TMEM117: variants seen among roughly 807,000 people sequenced by gnomAD.
TMEM117 encodes transmembrane protein 117.
In TMEM117, 27 loss-of-function variants were observed where a neutral mutation model predicts 52.4. The observed-to-expected ratio is 0.51, with a 90% CI of 0.38 to 0.71. The LOEUF (loss-of-function observed/expected upper bound fraction) is 0.71, where lower values mean the gene tolerates loss of function less well. TMEM117 is among the 30% of genes least tolerant of loss of function. TMEM117 has a pLI of 0.00. For synonymous variants in TMEM117, 215 were observed against 206.3 expected (o/e 1.04, Z -0.36); for missense variants, 556 against 630.5 (o/e 0.88, Z 1.26).
chr12:43,953,547 A>T (rs1399109806), intron 3 of TMEM117, among the ~76,000 whole-genome samples: 2 of 152,222 alleles, frequency 1.3e-5, no homozygotes, highest in Admixed American at 1.3e-4. Context: ...GTCAAAAAAG[A>T]CAAAAAAGGG....
chr12:44,210,576 T>A (rs1318377202), intron 4 of TMEM117, among the ~76,000 whole-genome samples: 1 of 152,052 alleles, frequency 6.6e-6, no homozygotes, highest in Non-Finnish European at 1.5e-5. Flanking sequence ...CAAAGCCTAG[T>A]GAAGAGAGAA....
intron 2 of TMEM117, among the ~76,000 whole-genome samples, chr12:43,927,771 C>A (rs1179249367): frequency 1.3e-5 from 2 of 151,948 alleles, no homozygotes; most frequent in Non-Finnish European, 2.9e-5. Context: ...AATTTTACAG[C>A]CTATTACTTC....
chr12:44,210,097 TTC>T (rs1949624931), intron 4 of TMEM117, among the ~76,000 whole-genome samples: 1 of 152,104 alleles, frequency 6.6e-6, no homozygotes, highest in African/African-American at 2.4e-5. Flanking sequence ...ATGACGAAAA[TTC>T]TCTCTTACTC....
chr12:44,158,381 C>A (rs996819882), intron 4 of TMEM117, among the ~76,000 whole-genome samples: 1 of 152,114 alleles, frequency 6.6e-6, no homozygotes, highest in African/African-American at 2.4e-5. Flanking sequence ...AGGACAACAA[C>A]TTTTGATGTG....
At chr12:44,021,441 T>C (rs1172915447) in intron 3 of TMEM117, among the ~76,000 whole-genome samples, 2 of 152,208 alleles carry the variant, frequency 1.3e-5, no homozygotes, top group Non-Finnish European at 2.9e-5. Flanking sequence ...TATAGTGTTA[T>C]AGAACGGGCT....
chr12:43,929,753 C>T (rs1373860898), intron 2 of TMEM117, among the ~76,000 whole-genome samples: 1 of 152,064 alleles, frequency 6.6e-6, no homozygotes, highest in African/African-American at 2.4e-5. Context: ...GCATATTTAA[C>T]AGCTATTAAA....
intron 3 of TMEM117, among the ~76,000 whole-genome samples, chr12:44,021,015 G>A (rs567210503): frequency 3.3e-5 from 5 of 152,152 alleles, no homozygotes; most frequent in Non-Finnish European, 5.9e-5. Context: ...AATATAAAGA[G>A]GAGGAAAACT....
At chr12:44,373,571 C>G (rs1021397890) in intron 6 of TMEM117, among the ~76,000 whole-genome samples, 17 of 152,274 alleles carry the variant, frequency 1.1e-4, no homozygotes, top group African/African-American at 3.8e-4. Context: ...GTTGGACATT[C>G]ACCTGTCTTT....
chr12:44,341,062 T>A (rs1951409975), intron 6 of TMEM117, among the ~76,000 whole-genome samples: 1 of 151,996 alleles, frequency 6.6e-6, no homozygotes, highest in Admixed American at 6.6e-5. Context: ...TGCAGTGGCA[T>A]GATCACAGCT....
At chr12:43,823,702 C>T in the TMEM117 span, among the ~76,000 whole-genome samples, 11 of 151,808 alleles carry the variant, frequency 7.2e-5, no homozygotes, top group Non-Finnish European at 1.3e-4. Flanking sequence ...TTAGTAGAGA[C>T]GGGGTTTCAC....
chr12:43,991,265 G>T (rs1945933986), intron 3 of TMEM117, among the ~76,000 whole-genome samples: 1 of 152,058 alleles, frequency 6.6e-6, no homozygotes, highest in African/African-American at 2.4e-5. Context: ...ATTATTAGGG[G>T]CCTTAGGATT....
chr12:43,958,929 C>T (rs1945354412), intron 3 of TMEM117, among the ~76,000 whole-genome samples: 1 of 152,130 alleles, frequency 6.6e-6, no homozygotes, highest in Non-Finnish European at 1.5e-5. Context: ...GCCTCAGCCT[C>T]CCGAGTAGCT....
At position 44,242,113 on chromosome 12, in the gene TMEM117, A is replaced by G. The variant is rs528411089; in HGVS notation, c.608+30726A>G. 7.4e-4 allele frequency among the ~76,000 whole-genome samples: 109 copies of G among 147,506 alleles called. 1 individual carries two copies. Among genetic ancestry groups the G allele is most frequent in the Admixed American group, 1.3e-3 (19 of 14,870 alleles). On this transcript the variant is annotated intron_variant, in intron 5 of 7. Coordinates refer to ENST00000266534, the MANE Select transcript of TMEM117 (RefSeq NM_032256.3). ...CAAGTCTCATCATGTTTTCCAGTCA[A>G]CTCCCAGATAATTTGTCTTTTTTTT...
chr12:43,797,078 A>G, the TMEM117 span: 1 of 1,599,824 alleles, frequency 6.3e-7, no homozygotes. Context: ...ATGTGTATCC[A>G]GGCATTGAAT....
intron 4 of TMEM117, among the ~76,000 whole-genome samples, chr12:44,144,385 G>A (rs1209898227): frequency 6.6e-6 from 1 of 152,154 alleles, no homozygotes; most frequent in Non-Finnish European, 1.5e-5. Context: ...CATTAATACC[G>A]TTCATAAATG....
intron 3 of TMEM117, chr12:44,010,372 C>T: frequency 2.7e-6 from 1 of 373,094 alleles, no homozygotes; most frequent in Non-Finnish European, 5.4e-6. Context: ...TGTTCCTGCG[C>T]CACATGGGGA....
intron 5 of TMEM117, among the ~76,000 whole-genome samples, chr12:44,254,664 A>T (rs188688637): frequency 0.015 from 2,237 of 149,450 alleles, 46 homozygotes; most frequent in African/African-American, 0.042. Context: ...ATATATATAT[A>T]TTTTTTATTA....
chr12:44,388,262 A>G lies in TMEM117; in HGVS notation c.1135A>G (p.Met379Val). The change falls in exon 8 of 8, where the codon ATG becomes GTG. Residue 379 changes from methionine to valine, a missense_variant. Physicochemically the swap from Met to Val is conservative, Grantham distance 21. Around this residue, in one of 3 missense-constraint regions of TMEM117, gnomAD observed 206 missense variants for 211.1 expected, o/e 0.98. Transcript: ENST00000266534. Reference sequence around the variant, plus strand: ...TAATAAAACATATGTTGAGGGAGACATGTTCTTACACAGCAGGTTCATAGG... The same window carrying G: ...TAATAAAACATATGTTGAGGGAGACGTGTTCTTACACAGCAGGTTCATAGG... Reference protein sequence around the residue: ...RTNKTYVEGDMFLHSRFIGAS... With the variant: ...RTNKTYVEGDVFLHSRFIGAS... The G allele has an allele frequency of 2.5e-6, 4 of 1,613,604 alleles. No homozygotes were observed. The highest frequency in any genetic ancestry group is 3.4e-6 in the Non-Finnish European group (4 of 1,179,650).
At chr12:44,320,326 C>T (rs1951114251) in intron 6 of TMEM117, among the ~76,000 whole-genome samples, 1 of 152,224 alleles carries the variant, frequency 6.6e-6, no homozygotes, top group East Asian at 1.9e-4. Context: ...TTACCATCAA[C>T]TTTTGCCTAT....
Sources: allele counts gnomAD v4.1 joint callset (sites outside exome capture counted in the v4.1 genomes callset), GRCh38; gene constraint gnomAD v4.1.1; regional missense constraint gnomAD v4.1.1; transcripts MANE v1.5; gene names NCBI Gene and HGNC (gene_info 2026-07-23, HGNC 2026-07-21).